The following TLL1 variants were observed in gnomAD, a reference collection of about 807,000 sequenced individuals.
TLL1 encodes the protein tolloid like 1, also known as tolloid-like protein 1.
In TLL1, 49 loss-of-function variants were observed where a neutral mutation model predicts 128.2. The ratio of observed to expected loss-of-function variants is 0.38; its 90% CI spans 0.30 to 0.48. The LOEUF is 0.48. Among genes scored for constraint, TLL1 ranks in the 20% least tolerant of loss-of-function variants. The pLI is 0.96. For missense variants in TLL1, 1,123 were observed against 1,242.0 expected, an observed-to-expected ratio of 0.90 and a Z score of 1.44; for synonymous variants, 454 against 418.8, an observed-to-expected ratio of 1.08 and a Z score of -1.03.
At chr4:165,901,674 T>A (rs1396090757) in intron 1 of TLL1, among the ~76,000 whole-genome samples, 3 of 152,148 alleles carry the variant, frequency 2.0e-5, no homozygotes, top group Non-Finnish European at 4.4e-5. Flanking sequence ...GTATGAGGTG[T>A]CTGTTGAACC....
chr4:165,955,889 C>G (rs1191122636), intron 1 of TLL1, among the ~76,000 whole-genome samples: 1 of 152,014 alleles, frequency 6.6e-6, no homozygotes, highest in Non-Finnish European at 1.5e-5. Context: ...TGTTGGCCAG[C>G]TGAGAAATAA....
chr4:165,979,526 AAT>A (rs1327239223), intron 1 of TLL1, among the ~76,000 whole-genome samples: 4 of 152,174 alleles, frequency 2.6e-5, no homozygotes, highest in Admixed American at 6.6e-5. Flanking sequence ...AGGAGTGACA[AAT>A]ACTATATTTG....
chr4:166,061,874 C>T (rs1313990551), intron 15 of TLL1, among the ~76,000 whole-genome samples: 1 of 152,044 alleles, frequency 6.6e-6, no homozygotes, highest in Non-Finnish European at 1.5e-5. Flanking sequence ...GTCTTTACTC[C>T]ATCTTGAATT....
chr4:165,894,117 G>C (rs1197557168), intron 1 of TLL1, among the ~76,000 whole-genome samples: 1 of 152,026 alleles, frequency 6.6e-6, no homozygotes, highest in Non-Finnish European at 1.5e-5. Flanking sequence ...TTGGAGCAGG[G>C]GAGGACAATG....
rs763233936 is a variant in TLL1, at chr4:165,873,941, T to C, written c.37T>C (p.Trp13Arg). Residue 13 changes from tryptophan to arginine, a missense_variant, in exon 1 of 21, where the codon TGG becomes CGG. By Grantham distance (101) the Trp-to-Arg change is moderately radical. This residue lies in a region of TLL1 where 480 missense variants were observed against 542.4 expected (regional missense o/e 0.89). Transcript: ENST00000061240. ...LGTLSPRMLVWLVASGIVFYG... is the reference protein window; with the variant it reads ...LGTLSPRMLVRLVASGIVFYG... ...AACGCTTTCCCCGAGGATGCTCGTG[T>C]GGCTGGTGGCCTCGGGGATTGTTTT... The C allele has an allele frequency of 6.2e-7, 1 of 1,614,134 alleles. No individual in the cohort carries two copies. Among genetic ancestry groups the C allele is most frequent in the South Asian group, 1.1e-5 (1 of 91,090 alleles).
chr4:166,032,134 G>T (rs1386807257), intron 9 of TLL1, among the ~76,000 whole-genome samples: 1 of 151,880 alleles, frequency 6.6e-6, no homozygotes, highest in Non-Finnish European at 1.5e-5. Context: ...ATTTAAGCAA[G>T]ACTAGAGATA....
intron 1 of TLL1, among the ~76,000 whole-genome samples, chr4:165,920,583 G>A (rs756856717): frequency 6.6e-6 from 1 of 152,132 alleles, no homozygotes; most frequent in East Asian, 1.9e-4. Context: ...CTCCTATAAG[G>A]CAACCTAATT....
rs1175843502 is a variant in TLL1 at position 166,014,486 on chromosome 4, G to A, written c.968G>A (p.Arg323His). The stretch of plus-strand genomic sequence containing the variant: ...CCCTCCCGTGATGATAATGGCATAC[G>A]TCCTGCAATTGGTCAGCGAACCCGT... ...ILPSRDDNGIRPAIGQRTRLS... is the reference protein window; with the variant it reads ...ILPSRDDNGIHPAIGQRTRLS... Residue 323 changes from arginine (R) to histidine (H), a missense_variant, in exon 8 of 21, where the codon CGT becomes CAT. By Grantham distance (29) the Arg-to-His change is conservative. This residue lies in a region of TLL1 where 480 missense variants were observed against 542.4 expected (regional missense o/e 0.89). Coordinates refer to ENST00000061240, the MANE Select transcript of TLL1 (RefSeq NM_012464.5). 15 of 1,612,256 alleles carry A rather than the reference G, an allele frequency of 9.3e-6. No homozygotes were observed. Among genetic ancestry groups the A allele is most frequent in the South Asian group, 3.3e-5 (3 of 91,068 alleles).
chr4:165,957,322 G>A lies in TLL1; in HGVS notation c.170-32059G>A, dbSNP rs77301409. Among the ~76,000 whole-genome samples the A allele has an allele frequency of 2.3e-3, 351 of 152,094 alleles. 7 individuals carry two copies. In the East Asian group the frequency reaches 0.043, roughly 19 times the overall value. On this transcript the variant is annotated intron_variant, in intron 1 of 20. Coordinates refer to ENST00000061240, the MANE Select transcript of TLL1 (RefSeq NM_012464.5). ...ACTTTACTATCCTAAATATATAGGC[G>A]TCCAATGTTACAGCACCCAGACTTA...
At chr4:166,023,911 GT>G (rs879586067) in intron 8 of TLL1, among the ~76,000 whole-genome samples, 1 of 148,158 alleles carries the variant, frequency 6.7e-6, no homozygotes, top group Non-Finnish European at 1.5e-5. Context: ...TTAATTATAG[GT>G]TTGGTTTTTT....
intron 9 of TLL1, among the ~76,000 whole-genome samples, chr4:166,034,514 A>C (rs1738909521): frequency 6.6e-6 from 1 of 152,164 alleles, no homozygotes; most frequent in African/African-American, 2.4e-5. Context: ...ATGGGAAGCA[A>C]ACTCTATTGA....
At chr4:166,038,417 A>T (rs1487244648) in intron 9 of TLL1, among the ~76,000 whole-genome samples, 1 of 152,030 alleles carries the variant, frequency 6.6e-6, no homozygotes, top group Non-Finnish European at 1.5e-5. Context: ...TAGAGTAGAG[A>T]ACTGGCTTAC....
intron 1 of TLL1, among the ~76,000 whole-genome samples, chr4:165,960,951 TG>T (rs1244298087): frequency 3.3e-5 from 5 of 152,080 alleles, no homozygotes; most frequent in Non-Finnish European, 7.4e-5. Context: ...TACTTGAACA[TG>T]GTACTGGAGG....
At chr4:166,001,893 T>C (rs1737178847) in intron 5 of TLL1, among the ~76,000 whole-genome samples, 1 of 152,172 alleles carries the variant, frequency 6.6e-6, no homozygotes, top group Non-Finnish European at 1.5e-5. Context: ...CACATTCTAT[T>C]TGACAGTCCA....
intron 6 of TLL1, among the ~76,000 whole-genome samples, chr4:166,004,952 G>GTT (rs921913146): frequency 6.6e-6 from 1 of 151,258 alleles, no homozygotes; most frequent in Non-Finnish European, 1.5e-5. Flanking sequence ...GTGGTGGCGG[G>GTT]GGGGTGCCTG....
At chr4:166,053,951 C>G (rs1031744814) in intron 12 of TLL1, among the ~76,000 whole-genome samples, 2 of 152,038 alleles carry the variant, frequency 1.3e-5, no homozygotes, top group Admixed American at 6.6e-5. Flanking sequence ...AATTGTCTTA[C>G]AATTTTTAAA....
chr4:166,068,484 T>A (rs1740671495), intron 16 of TLL1, among the ~76,000 whole-genome samples: 1 of 151,846 alleles, frequency 6.6e-6, no homozygotes, highest in South Asian at 2.1e-4. Flanking sequence ...ATGTCAACTA[T>A]AAAGATATTA....
chr4:165,935,145 G>C (rs1358175039), intron 1 of TLL1, among the ~76,000 whole-genome samples: 1 of 152,134 alleles, frequency 6.6e-6, no homozygotes, highest in Non-Finnish European at 1.5e-5. Flanking sequence ...TGGAAAATCA[G>C]AAAGGCTAAG....
intron 1 of TLL1, among the ~76,000 whole-genome samples, chr4:165,947,146 G>A (rs1005187726): frequency 6.6e-6 from 1 of 152,124 alleles, no homozygotes; most frequent in Non-Finnish European, 1.5e-5. Flanking sequence ...TGAGGCTGCT[G>A]TCTTGGCATG....
Sources: allele counts gnomAD v4.1 joint callset (sites outside exome capture counted in the v4.1 genomes callset), GRCh38; gene constraint gnomAD v4.1.1; regional missense constraint gnomAD v4.1.1; transcripts MANE v1.5; gene names NCBI Gene and HGNC (gene_info 2026-07-23, HGNC 2026-07-21).